OTOF: variants seen among roughly 807,000 people sequenced by gnomAD.
OTOF encodes the protein fer-1-like family member 2.
In OTOF, 218 loss-of-function variants were observed where a neutral mutation model predicts 236.8. The observed-to-expected ratio is 0.92, with a 90% confidence interval of 0.82 to 1.03. OTOF has a LOEUF of 1.03. Ranked by LOEUF, OTOF falls within the 50% of genes least tolerant of loss-of-function variation. The pLI, the probability that OTOF is intolerant of heterozygous loss-of-function variation, is 0.00. For missense variants in OTOF, 2,590 were observed against 2,694.4 expected, an observed-to-expected ratio of 0.96 and a Z score of 0.86; for synonymous variants, 1,041 against 1,072.5, an observed-to-expected ratio of 0.97 and a Z score of 0.57.
intron 3 of OTOF, among the ~76,000 whole-genome samples, chr2:26,527,437 G>T (rs1356078605): frequency 6.6e-6 from 1 of 152,204 alleles, no homozygotes; most frequent in Non-Finnish European, 1.5e-5. Flanking sequence ...CTGCCCTCAG[G>T]GCTACAGAGT....
intron 1 of OTOF, among the ~76,000 whole-genome samples, chr2:26,554,274 G>T (rs943134464): frequency 6.6e-6 from 1 of 151,916 alleles, no homozygotes; most frequent in African/African-American, 2.4e-5. Context: ...TTGGTTCTTG[G>T]CCCTTGAGGC....
intron 26 of OTOF, 95 bp downstream of exon 26, chr2:26,474,418 C>G: frequency 8.6e-7 from 1 of 1,161,972 alleles, no homozygotes; most frequent in Non-Finnish European, 1.2e-6. Context: ...GCCCCAGACC[C>G]CAGGCCCCAG....
Position 26,480,226 on chromosome 2 carries a change from G to T in OTOF, c.1889C>A (p.Pro630His). 1 of 1,611,798 alleles carries T rather than the reference G, an allele frequency of 6.2e-7. No homozygotes were observed. Among genetic ancestry groups the T allele is most frequent in the Non-Finnish European group, 8.5e-7 (1 of 1,178,508 alleles). The change falls in exon 16 of 47, where the codon CCC (proline) becomes CAC (histidine). Residue 630 changes from proline to histidine, a missense_variant. Physicochemically the swap from Pro to His is moderately conservative, Grantham distance 77. Transcript: ENST00000272371. The part of the protein sequence containing the change: ...SMIDRRNGDK[P>H]ITFEVTIGNY... ...ACCTATGGTGACCTCAAAGGTGATG[G>T]GCTTGTCTCCGTTTCTCCGGTCGAT...
rs148506633 is a variant in OTOF, at chr2:26,467,133, G to C, written c.4328C>G (p.Ser1443Cys). The C allele has an allele frequency of 1.2e-6, 2 of 1,614,004 alleles. No individual in the cohort carries two copies. The highest frequency in any genetic ancestry group is 1.7e-6 in the Non-Finnish European group (2 of 1,180,014). Reference protein sequence around the residue: ...RGKTGDDEDGSTEEERIVGRF... With the variant: ...RGKTGDDEDGCTEEERIVGRF... Reference sequence around the variant, plus strand: ...TCCCACAATGCGCTCCTCCTCGGTGGAGCCATCCTCATCATCCCCGGTCTT... The same window carrying C: ...TCCCACAATGCGCTCCTCCTCGGTGCAGCCATCCTCATCATCCCCGGTCTT... The change falls in exon 35 of 47, where the codon TCC (serine) becomes TGC (cysteine). Residue 1443 changes from serine to cysteine, a missense_variant. By Grantham distance (112) the Ser-to-Cys change is moderately radical (BLOSUM62 -1). Coordinates refer to ENST00000272371, the MANE Select transcript of OTOF (RefSeq NM_194248.3).
chr2:26,519,048 T>A lies in OTOF; in HGVS notation c.289A>T (p.Thr97Ser). 1.9e-6 allele frequency: 3 copies of A among 1,610,360 alleles called. No individual in the cohort carries two copies. Among genetic ancestry groups the A allele is most frequent in the Non-Finnish European group, 2.5e-6 (3 of 1,177,950 alleles). Reference protein sequence around the residue: ...KVVEESHVEVTDTLIDDNNAI... With the variant: ...KVVEESHVEVSDTLIDDNNAI... ...TTGTTGTCATCAATCAGCGTGTCAG[T>A]CACCTCCACATGGCTCTCCTCTACC... The change falls in exon 4 of 47, where the codon ACT (threonine) becomes TCT (serine). Residue 97 changes from threonine (T) to serine (S), a missense_variant. Coordinates refer to ENST00000272371, the MANE Select transcript of OTOF (RefSeq NM_194248.3).
intron 1 of OTOF, among the ~76,000 whole-genome samples, chr2:26,539,194 A>G (rs562453598): frequency 7.2e-5 from 11 of 152,292 alleles, no homozygotes; most frequent in Admixed American, 3.3e-4. Context: ...GGGAGGATAA[A>G]TACTGTTTTA....
intron 1 of OTOF, among the ~76,000 whole-genome samples, chr2:26,548,610 C>A (rs1248299939): frequency 6.6e-6 from 1 of 152,244 alleles, no homozygotes; most frequent in East Asian, 1.9e-4. Flanking sequence ...CTTGGATATA[C>A]AACAGTGGTC....
chr2:26,540,816 G>A (rs1558524606), intron 1 of OTOF, among the ~76,000 whole-genome samples: 1 of 152,106 alleles, frequency 6.6e-6, no homozygotes, highest in Non-Finnish European at 1.5e-5. Flanking sequence ...CTATCTATAC[G>A]GCAAAGAGAT....
At position 26,476,282 on chromosome 2, in the gene OTOF, C is replaced by G; in HGVS notation, c.2712G>C (p.Trp904Cys). ...ACAGCTCCACCTTGGCCTGCACTGT[C>G]CAGCCTGCCGAGCCGAAGCCCCGCT... ...PGKRGFGSAG[W>C]TVQAKVELYL... Residue 904 changes from tryptophan (W) to cysteine (C), a missense_variant, in exon 23 of 47, where the codon TGG becomes TGC. Transcript: ENST00000272371. The G allele has an allele frequency of 6.2e-7, 1 of 1,604,398 alleles. No homozygotes were observed. Among genetic ancestry groups the G allele is most frequent in the Non-Finnish European group, 8.5e-7 (1 of 1,179,746 alleles).
intron 18 of OTOF, among the ~76,000 whole-genome samples, chr2:26,478,394 A>AT (rs1209051108): frequency 2.6e-5 from 4 of 152,126 alleles, no homozygotes; most frequent in Admixed American, 6.5e-5. Flanking sequence ...ATTAGCCTTG[A>AT]TTTTTTTGGA....
chr2:26,458,024 C>A lies in OTOF; in HGVS notation c.*214G>T. 6.2e-7 allele frequency: 1 copy of A among 1,607,300 alleles called. No individual in the cohort carries two copies. ...TGCGGCAGGGCTGGGGAGCGGCTGG[C>A]GGGAGCTGGCGGCCTTCATGCCCCA... On this transcript the variant is annotated 3_prime_UTR_variant, in exon 47 of 47. Transcript: ENST00000272371.
intron 1 of OTOF, among the ~76,000 whole-genome samples, chr2:26,549,610 T>G (rs1448057357): frequency 1.3e-5 from 2 of 152,150 alleles, no homozygotes; most frequent in Non-Finnish European, 1.5e-5. Context: ...AAAATATCAT[T>G]TCTACCTCCA....
chr2:26,484,742 G>A, intron 11 of OTOF, 109 bp from the exon 12 acceptor site: 1 of 1,121,346 alleles, frequency 8.9e-7, no homozygotes, highest in Non-Finnish European at 1.3e-6. Flanking sequence ...TTGGTCCCTA[G>A]AGTCCCGGGA....
chr2:26,491,665 G>A (rs1203397686), intron 9 of OTOF, among the ~76,000 whole-genome samples: 1 of 152,168 alleles, frequency 6.6e-6, no homozygotes, highest in Non-Finnish European at 1.5e-5. Context: ...AGATGCCCAG[G>A]GCGGGGCCAG....
intron 4 of OTOF, 47 bp downstream of exon 4, chr2:26,518,963 G>C (rs1666604382): frequency 2.3e-6 from 3 of 1,318,366 alleles, no homozygotes; most frequent in East Asian, 2.4e-5. Flanking sequence ...CAGACCCCCA[G>C]ATGGCCCCAT....
At chr2:26,478,092 T>G (rs888678725) in intron 18 of OTOF, 2 of 1,356,690 alleles carry the variant, frequency 1.5e-6, no homozygotes, top group Non-Finnish European at 9.6e-7. Flanking sequence ...TAGGACTGGA[T>G]GTGCCAAGAT....
intron 30 of OTOF, among the ~76,000 whole-genome samples, chr2:26,472,009 T>C (rs1315194617): frequency 6.6e-6 from 1 of 151,596 alleles, no homozygotes; most frequent in Admixed American, 6.6e-5. Flanking sequence ...ACACACCACA[T>C]GCACATATGC....
chr2:26,458,819 T>C (rs1367609599), intron 46 of OTOF, among the ~76,000 whole-genome samples: 2 of 152,200 alleles, frequency 1.3e-5, no homozygotes, highest in South Asian at 2.1e-4. Flanking sequence ...TGCATATGCA[T>C]TTTCAAACTA....
In OTOF at chr2:26,479,568, G is replaced by A. The variant is rs775458801; in HGVS notation, c.1998C>T (p.Asp666=). Residue 666 remains aspartate, a synonymous_variant, in exon 17 of 47, where the codon GAC becomes GAT. Transcript: ENST00000272371. ...CGTCATCACTTGCGTTCTGAATCAG[G>A]TCTACTTCTTCCTCATCCCCCGGCT... is the stretch of plus-strand genomic sequence containing the variant. ...RKEPGDEEEV[D]LIQNASDDEA... 7.4e-6 allele frequency: 12 copies of A among 1,612,618 alleles called. No homozygotes were observed. Among genetic ancestry groups the A allele is most frequent in the African/African-American group, 1.3e-5 (1 of 74,930 alleles).
Sources: gnomAD v4.1 joint callset for allele counts (sites outside exome capture counted in the v4.1 genomes callset) on GRCh38, gnomAD v4.1.1 for gene constraint, MANE v1.5 for transcripts, NCBI Gene and HGNC (gene_info 2026-07-23, HGNC 2026-07-21) for gene names.